The following RBFOX1 variants were observed in gnomAD, a reference collection of about 807,000 sequenced individuals.
RBFOX1 encodes the protein RNA binding fox-1 homolog 1.
RBFOX1 carries 8 observed loss-of-function variants against 57.7 expected under a neutral mutation model. The ratio of observed to expected loss-of-function variants is 0.14; its 90% CI spans 0.08 to 0.25. RBFOX1 has a LOEUF of 0.25. Ranked by LOEUF, RBFOX1 falls within the 10% of genes least tolerant of loss-of-function variation. The probability of loss-of-function intolerance (pLI) is 1.00; values close to 1 mark genes in which losing one functional copy is unlikely to be tolerated. For missense variants in RBFOX1, 611 were observed against 548.5 expected (o/e 1.11, Z -1.14); for synonymous variants, 326 against 222.4 (o/e 1.47, Z -4.15).
At chr16:6,189,305 G>T (rs548296894) in intron 1 of RBFOX1, among the ~76,000 whole-genome samples, 5 of 152,330 alleles carry the variant, frequency 3.3e-5, no homozygotes, top group Admixed American at 3.3e-4. Context: ...CCTGGAGTCC[G>T]CATCAGGACA....
chr16:6,899,730 C>T (rs893465856), intron 3 of RBFOX1, among the ~76,000 whole-genome samples: 10 of 152,226 alleles, frequency 6.6e-5, no homozygotes, highest in Admixed American at 2.0e-4. Flanking sequence ...ATGATGGTTT[C>T]ATCTTGTGCT....
intron 3 of RBFOX1, among the ~76,000 whole-genome samples, chr16:6,924,120 G>C (rs952412238): frequency 6.6e-6 from 1 of 151,668 alleles, no homozygotes; most frequent in African/African-American, 2.4e-5. Flanking sequence ...AGTGAGCTGA[G>C]ATTGTACCAC....
intron 4 of RBFOX1, among the ~76,000 whole-genome samples, chr16:7,054,232 G>T (rs2051200760): frequency 3.1e-5 from 1 of 32,698 alleles, no homozygotes; most frequent in African/African-American, 1.6e-4. Flanking sequence ...GGGGCGGGGA[G>T]CTTTTTTTTT....
chr16:5,640,643 A>G (rs1205991409), intron 3 of RBFOX1, among the ~76,000 whole-genome samples: 1 of 151,906 alleles, frequency 6.6e-6, no homozygotes, highest in African/African-American at 2.4e-5. Context: ...ACACACAAAC[A>G]CATGCACAGC....
At chr16:5,767,684 G>A (rs1394361331) in intron 3 of RBFOX1, among the ~76,000 whole-genome samples, 3 of 152,106 alleles carry the variant, frequency 2.0e-5, no homozygotes, top group Non-Finnish European at 4.4e-5. Flanking sequence ...GCTTTCCAAT[G>A]GACTCCTGAA....
chr16:7,396,906 A>G (rs1024296822), intron 4 of RBFOX1, among the ~76,000 whole-genome samples: 1 of 152,160 alleles, frequency 6.6e-6, no homozygotes, highest in Non-Finnish European at 1.5e-5. Context: ...ATGCCACTGC[A>G]CTCCGGCCTG....
chr16:7,402,837 G>A lies in RBFOX1; in HGVS notation c.28-115310G>A, dbSNP rs190744324. Among the ~76,000 whole-genome samples the A allele has an allele frequency of 7.8e-4, 118 of 152,208 alleles. 2 individuals carry two copies. Among genetic ancestry groups the A allele is most frequent in the Non-Finnish European group, 1.2e-4 (8 of 68,006 alleles). On this transcript the variant is annotated intron_variant, in intron 4 of 15. Coordinates refer to ENST00000550418, the MANE Select transcript of RBFOX1 (RefSeq NM_018723.4). ...TAGAAAGAGTTGTTATTTATCTGAGGGCACCTGTAAGGGGGACATCACCTA... is the reference window on the plus strand; with the variant it reads ...TAGAAAGAGTTGTTATTTATCTGAGAGCACCTGTAAGGGGGACATCACCTA...
chr16:7,026,611 G>A (rs2041027936), intron 3 of RBFOX1, among the ~76,000 whole-genome samples: 1 of 152,118 alleles, frequency 6.6e-6, no homozygotes, highest in Admixed American at 6.5e-5. Context: ...AGAGGTGCAG[G>A]GAAGGAGGAA....
rs57736862 is a variant in RBFOX1 at position 5,856,284 on chromosome 16, TACACACACACACAC to T, written c.319-11005_319-10992del. Reference sequence around the variant, plus strand: ...ATGTATATATATATACACATATATATACACACACACACACACACACACACACATATATATAGGGA... The same window carrying T: ...ATGTATATATATATACACATATATATACACACACACACATATATATAGGGA... On this transcript the variant is annotated intron_variant, in intron 3 of 19. Coordinates refer to the RBFOX1 transcript ENST00000641259. 1.1e-3 allele frequency among the ~76,000 whole-genome samples: 99 copies of T among 86,310 alleles called. 1 individual carries two copies. Among genetic ancestry groups the T allele is most frequent in the African/African-American group, 4.5e-3 (94 of 21,092 alleles). The allele number at this position is 86,310 out of a possible 152,430, so 56.6% of individuals were successfully genotyped here. A position where few individuals can be genotyped will look rare whatever the true frequency, so the allele number is the denominator to read the frequency against.
intron 1 of RBFOX1, among the ~76,000 whole-genome samples, chr16:6,076,783 G>A (rs1445709960): frequency 6.6e-6 from 1 of 152,168 alleles, no homozygotes; most frequent in African/African-American, 2.4e-5. Context: ...GACAGATGGG[G>A]TCATTCATCT....
chr16:7,053,570 T>C lies in RBFOX1; in HGVS notation c.27+1472T>C, dbSNP rs78640333. ...TAAATGCCTGAGAATTAAGATAATATTGAAATCTCTATTGCAAATGACACT... is the reference window on the plus strand; with the variant it reads ...TAAATGCCTGAGAATTAAGATAATACTGAAATCTCTATTGCAAATGACACT... On this transcript the variant is annotated intron_variant, in intron 4 of 15. Transcript: ENST00000550418. 5.1e-3 allele frequency among the ~76,000 whole-genome samples: 777 copies of C among 152,330 alleles called. 10 individuals carry two copies. The highest frequency in any genetic ancestry group is 0.018 in the African/African-American group (741 of 41,566).
chr16:7,175,213 C>A (rs950375121), intron 4 of RBFOX1, among the ~76,000 whole-genome samples: 4 of 151,900 alleles, frequency 2.6e-5, no homozygotes, highest in Admixed American at 6.6e-5. Context: ...CCCCAGCCCC[C>A]AATAGGCCCC....
At chr16:7,292,653 T>C (rs543614255) in intron 4 of RBFOX1, among the ~76,000 whole-genome samples, 20 of 151,922 alleles carry the variant, frequency 1.3e-4, no homozygotes, top group African/African-American at 4.6e-4. Context: ...GAGAGTTTTT[T>C]GTCTATGAGG....
chr16:6,360,241 GA>G (rs1326445173), intron 2 of RBFOX1, among the ~76,000 whole-genome samples: 3 of 147,522 alleles, frequency 2.0e-5, no homozygotes, highest in East Asian at 2.0e-4. Flanking sequence ...TTTCTTTATA[GA>G]TTTTTTTTTT....
At chr16:6,788,336 G>T (rs2082309181) in intron 3 of RBFOX1, among the ~76,000 whole-genome samples, 1 of 151,954 alleles carries the variant, frequency 6.6e-6, no homozygotes, top group South Asian at 2.1e-4. Context: ...TTTTATTCAG[G>T]TTCAACACAA....
intron 5 of RBFOX1, among the ~76,000 whole-genome samples, chr16:7,549,635 G>C (rs2085702706): frequency 6.6e-6 from 1 of 152,178 alleles, no homozygotes; most frequent in African/African-American, 2.4e-5. Context: ...TGAAGAACCT[G>C]GAGTCTGTTG....
At chr16:6,932,280 A>T (rs2076687061) in intron 3 of RBFOX1, among the ~76,000 whole-genome samples, 1 of 151,568 alleles carries the variant, frequency 6.6e-6, no homozygotes, top group Non-Finnish European at 1.5e-5. Context: ...ATTTTTTTTG[A>T]ATTTTCAGTA....
At chr16:6,638,547 G>A (rs1487294543) in intron 2 of RBFOX1, among the ~76,000 whole-genome samples, 1 of 152,118 alleles carries the variant, frequency 6.6e-6, no homozygotes, top group African/African-American at 2.4e-5. Flanking sequence ...TAGAAATATT[G>A]CAGTGGAAGC....
intron 3 of RBFOX1, among the ~76,000 whole-genome samples, chr16:5,746,373 G>A (rs2052981617): frequency 6.6e-6 from 1 of 152,208 alleles, no homozygotes; most frequent in Non-Finnish European, 1.5e-5. Flanking sequence ...CAGGTAGCAT[G>A]ATGCTTCCAG....
Sources: allele counts gnomAD v4.1 joint callset (sites outside exome capture counted in the v4.1 genomes callset), GRCh38; gene constraint gnomAD v4.1.1; transcripts MANE v1.5; gene names NCBI Gene and HGNC (gene_info 2026-07-23, HGNC 2026-07-21).